ADCYAP1R1: variants seen among roughly 807,000 people sequenced by gnomAD.
ADCYAP1R1 encodes ADCYAP receptor type I.
ADCYAP1R1 carries 44 observed loss-of-function variants against 67.6 expected under a neutral mutation model. The ratio of observed to expected loss-of-function variants is 0.65; its 90% CI spans 0.51 to 0.84. The LOEUF is 0.84. ADCYAP1R1 is among the 40% of genes least tolerant of loss of function. The pLI is 0.00. For missense variants in ADCYAP1R1, 477 were observed against 587.9 expected (o/e 0.81, Z 1.95); for synonymous variants, 222 against 219.6 (o/e 1.01, Z -0.10).
rs376664570 is a variant in ADCYAP1R1, at chr7:31,092,674, G to T, written c.985G>T (p.Val329Phe). The T allele has an allele frequency of 4.3e-5, 69 of 1,608,828 alleles. No homozygotes were observed. The highest frequency in any genetic ancestry group is 5.3e-5 in the Non-Finnish European group (62 of 1,179,146). ...VNFVLFIGII[V>F]ILVQKLQSPD... ...CTTTGTGCTTTTTATTGGCATTATC[G>T]TCATCCTTGTGCAGAAACTTCAGTC... The change falls in exon 13 of 16, where the codon GTC becomes TTC. Residue 329 changes from valine (V) to phenylalanine (F), a missense_variant. Coordinates refer to ENST00000304166, the MANE Select transcript of ADCYAP1R1 (RefSeq NM_001118.5).
At chr7:31,097,004 C>T (rs995441820) in intron 13 of ADCYAP1R1, among the ~76,000 whole-genome samples, 37 of 152,250 alleles carry the variant, frequency 2.4e-4, no homozygotes, top group Admixed American at 2.2e-3. Flanking sequence ...ACCACAGCTG[C>T]GGAAGCATTT....
intron 1 of ADCYAP1R1, among the ~76,000 whole-genome samples, chr7:31,053,944 T>C (rs1794133462): frequency 6.6e-6 from 1 of 152,122 alleles, no homozygotes; most frequent in Non-Finnish European, 1.5e-5. Context: ...GTTTGAGCCT[T>C]TGGGGGCAGG....
At chr7:31,083,160 G>A (rs527276626) in intron 6 of ADCYAP1R1, among the ~76,000 whole-genome samples, 3 of 152,372 alleles carry the variant, frequency 2.0e-5, no homozygotes, top group African/African-American at 7.2e-5. Flanking sequence ...CCAACCACAT[G>A]TGTCCTGATA....
chr7:31,054,452 C>G (rs1452384046), intron 1 of ADCYAP1R1, among the ~76,000 whole-genome samples: 2 of 152,124 alleles, frequency 1.3e-5, no homozygotes, highest in Non-Finnish European at 2.9e-5. Flanking sequence ...ACTTTGGGAC[C>G]CATGGCTTTT....
intron 3 of ADCYAP1R1, among the ~76,000 whole-genome samples, chr7:31,068,783 G>A (rs1480110729): frequency 6.6e-6 from 1 of 152,150 alleles, no homozygotes; most frequent in Non-Finnish European, 1.5e-5. Flanking sequence ...TGCAGGCTGA[G>A]GTTGGGGGAC....
chr7:31,095,368 T>C (rs1195485493), intron 13 of ADCYAP1R1, among the ~76,000 whole-genome samples: 2 of 152,136 alleles, frequency 1.3e-5, no homozygotes, highest in Non-Finnish European at 2.9e-5. Flanking sequence ...AAAGATAGCA[T>C]TAAACAAGTG....
chr7:31,085,748 G>C lies in ADCYAP1R1; in HGVS notation c.669+306G>C, dbSNP rs1264675540. On this transcript the variant is annotated intron_variant, in intron 9 of 15. Coordinates refer to ENST00000304166, the MANE Select transcript of ADCYAP1R1 (RefSeq NM_001118.5). ...CACCAAGTCCCACTTGAATGAAGAG[G>C]AAACTGATGCTGAGAGAGGGCTTAC... Among the ~76,000 whole-genome samples, 3 of 152,224 alleles carry C rather than the reference G, an allele frequency of 2.0e-5. No individual in the cohort carries two copies. In the South Asian group the frequency reaches 6.2e-4, roughly 32 times the overall value.
intron 12 of ADCYAP1R1, among the ~76,000 whole-genome samples, chr7:31,089,613 A>C (rs965530739): frequency 6.6e-6 from 1 of 152,176 alleles, no homozygotes; most frequent in Non-Finnish European, 1.5e-5. Flanking sequence ...TCCTTAGAAT[A>C]AATCTCAAGA....
In ADCYAP1R1 at chr7:31,108,302, C is replaced by T. The variant is rs1796723683; in HGVS notation, c.*1618C>T. ...TGTCCTTGGCCAGTCAAGTAAGTTC[C>T]TGGATCTTTGGCAAAGCCAGAGGAA... On this transcript the variant is annotated 3_prime_UTR_variant, in exon 16 of 16. Coordinates refer to ENST00000304166, the MANE Select transcript of ADCYAP1R1 (RefSeq NM_001118.5). The T allele has an allele frequency of 6.6e-6, 1 of 152,252 alleles. No homozygotes were observed. The highest frequency in any genetic ancestry group is 1.5e-5 in the Non-Finnish European group (1 of 68,076). The allele number at this position is 152,252 out of a possible 1,614,324, so 9.4% of individuals were successfully genotyped here.
intron 3 of ADCYAP1R1, among the ~76,000 whole-genome samples, chr7:31,069,037 C>A (rs1485554292): frequency 6.6e-6 from 1 of 151,956 alleles, no homozygotes; most frequent in Non-Finnish European, 1.5e-5. Context: ...ATGTCGAGGC[C>A]CCTCTCCAGA....
intron 3 of ADCYAP1R1, among the ~76,000 whole-genome samples, chr7:31,066,952 A>G (rs944804259): frequency 1.3e-5 from 2 of 152,208 alleles, no homozygotes; most frequent in African/African-American, 4.8e-5. Context: ...TTGAGGGGGC[A>G]TGGCTGAGGG....
chr7:31,090,744 G>A (rs1795933214), intron 12 of ADCYAP1R1, among the ~76,000 whole-genome samples: 1 of 152,182 alleles, frequency 6.6e-6, no homozygotes, highest in South Asian at 2.1e-4. Flanking sequence ...CGTAAAGGAT[G>A]TGGCTACATT....
chr7:31,056,748 G>A (rs1042137391), intron 1 of ADCYAP1R1, among the ~76,000 whole-genome samples: 2 of 152,166 alleles, frequency 1.3e-5, no homozygotes, highest in African/African-American at 4.8e-5. Context: ...ATGAGAAGCT[G>A]ATCACTCCAC....
Position 31,080,607 on chromosome 7 carries a change from T to G in ADCYAP1R1, c.266-6T>G. On this transcript the variant is annotated splice_polypyrimidine_tract_variant and splice_region_variant and intron_variant, in intron 4 of 15. Coordinates refer to ENST00000304166, the MANE Select transcript of ADCYAP1R1 (RefSeq NM_001118.5). Reference sequence around the variant, plus strand: ...TTTTCTCTCTCTCTCTTTCTCTCTGTTTCAGTCTGGGAGACCGAAACCATT... The same window carrying G: ...TTTTCTCTCTCTCTCTTTCTCTCTGGTTCAGTCTGGGAGACCGAAACCATT... The G allele has an allele frequency of 6.2e-7, 1 of 1,613,506 alleles. No homozygotes were observed. The highest frequency in any genetic ancestry group is 8.5e-7 in the Non-Finnish European group (1 of 1,179,998).
At chr7:31,054,138 G>A (rs1419224031) in intron 1 of ADCYAP1R1, among the ~76,000 whole-genome samples, 1 of 152,152 alleles carries the variant, frequency 6.6e-6, no homozygotes, top group Non-Finnish European at 1.5e-5. Flanking sequence ...GATTGGAGGT[G>A]GAACACGCTG....
At chr7:31,099,134 G>A (rs1796332881) in intron 13 of ADCYAP1R1, among the ~76,000 whole-genome samples, 2 of 152,222 alleles carry the variant, frequency 1.3e-5, no homozygotes, top group South Asian at 4.1e-4. Context: ...TGAGGAGACA[G>A]AAGTCCTGGG....
chr7:31,092,885 A>G (rs1224435908), intron 13 of ADCYAP1R1, 150 bp downstream of exon 13: 1 of 608,984 alleles, frequency 1.6e-6, no homozygotes, highest in Non-Finnish European at 2.8e-6. Context: ...AGCCTTTAAT[A>G]TAGTTGCCCT....
chr7:31,095,012 T>C (rs1450504872), intron 13 of ADCYAP1R1, among the ~76,000 whole-genome samples: 1 of 152,100 alleles, frequency 6.6e-6, no homozygotes, highest in Admixed American at 6.5e-5. Flanking sequence ...GGAATCAGCT[T>C]GATCCCATTC....
chr7:31,081,882 AC>A, intron 6 of ADCYAP1R1, 128 bp downstream of exon 6: 1 of 668,562 alleles, frequency 1.5e-6, no homozygotes, highest in South Asian at 2.7e-5. Context: ...TTGGCAGGTG[AC>A]TTTTTTTCTC....
Sources: allele counts gnomAD v4.1 joint callset (sites outside exome capture counted in the v4.1 genomes callset), GRCh38; gene constraint gnomAD v4.1.1; transcripts MANE v1.5; gene names NCBI Gene and HGNC (gene_info 2026-07-23, HGNC 2026-07-21).